Variants in SRCAP observed in about 807,000 individuals in gnomAD.
The protein encoded by SRCAP is Snf2 related CREBBP activator protein, also known as chromatin remodeling protein SRCAP.
SRCAP carries 46 observed loss-of-function variants against 263.1 expected under a neutral mutation model. The ratio of observed to expected loss-of-function variants is 0.17; its 90% CI spans 0.14 to 0.22. The LOEUF is 0.22. Among genes scored for constraint, SRCAP ranks in the 10% least tolerant of loss-of-function variants. The pLI is 1.00. For synonymous variants in SRCAP, 1,813 were observed against 1,662.1 expected (o/e 1.09, Z -2.21); for missense variants, 3,695 against 4,181.9 (o/e 0.88, Z 3.21).
intron 4 of SRCAP, among the ~76,000 whole-genome samples, chr16:30,705,377 A>C (rs887653326): frequency 6.6e-6 from 1 of 152,070 alleles, no homozygotes. Flanking sequence ...CAATGTTTTT[A>C]TTTTTTATTT....
Position 30,740,272 on chromosome 16 carries a change from T to C in SRCAP, c.*539T>C, listed in dbSNP as rs2053211683. The C allele has an allele frequency of 6.6e-6, 1 of 152,502 alleles. No homozygotes were observed. The highest frequency in any genetic ancestry group is 2.4e-5 in the African/African-American group (1 of 41,412). The allele number at this position is 152,502 out of a possible 1,614,324, so 9.4% of individuals were successfully genotyped here. ...GGACTATATGTTCCAGGCAGAAATC[T>C]ACCCAAGAAGAGGGAAGATTGGTGA... On this transcript the variant is annotated 3_prime_UTR_variant, in exon 34 of 34. Transcript: ENST00000262518.
chr16:30,726,085 C>CT (rs2053061878), intron 25 of SRCAP: 1 of 152,186 alleles, frequency 6.6e-6, no homozygotes, highest in Non-Finnish European at 1.5e-5. Context: ...TACCATCCTA[C>CT]TTTTTTATTT....
rs762047146 is a variant in SRCAP, at chr16:30,724,225, T to C, written c.4801T>C (p.Ser1601Pro). The C allele has an allele frequency of 4.3e-6, 7 of 1,613,802 alleles. No individual in the cohort carries two copies. The highest frequency in any genetic ancestry group is 4.0e-5 in the African/African-American group (3 of 74,834). ...TCCACAGACAGCAATTCTGGCTCCT[T>C]CTCCAGCTCCTCCTCTGGCTCCTCT... is the stretch of plus-strand genomic sequence containing the variant. ...AAPQTAILAP[S>P]PAPPLAPLPV... The change falls in exon 25 of 34, where the codon TCT becomes CCT. Residue 1601 changes from serine to proline, a missense_variant. Transcript: ENST00000262518.
In SRCAP at chr16:30,709,647, C is replaced by G; in HGVS notation, c.768C>G (p.Thr256=). 1 of 1,614,182 alleles carries G rather than the reference C, an allele frequency of 6.2e-7. No individual in the cohort carries two copies. The highest frequency in any genetic ancestry group is 8.5e-7 in the Non-Finnish European group (1 of 1,180,040). The part of the protein sequence containing the change: ...LLSQSLNQPL[T]SSKAGSSPCL... ...CTCAGAGCCTCAACCAGCCATTAAC[C>G]TCCAGCAAAGCAGGCTCTTCCCCTT... Residue 256 remains threonine (T), a synonymous_variant, in exon 7 of 34, where the codon ACC becomes ACG. Coordinates refer to ENST00000262518, the MANE Select transcript of SRCAP (RefSeq NM_006662.3).
In SRCAP at chr16:30,738,351, C is replaced by T. The variant is rs777637685; in HGVS notation, c.8311C>T (p.Arg2771Trp). 8.9e-6 allele frequency: 14 copies of T among 1,569,228 alleles called. No homozygotes were observed. Among genetic ancestry groups the T allele is most frequent in the African/African-American group, 2.7e-5 (2 of 73,740 alleles). ...KELVRRRRQQ[R>W]GAASTLVPGV... ...ACTGGTGCGGCGGCGGCGGCAGCAGCGGGGAGCTGCCAGCACCCTAGTGCC... is the reference window on the plus strand; with the variant it reads ...ACTGGTGCGGCGGCGGCGGCAGCAGTGGGGAGCTGCCAGCACCCTAGTGCC... The change falls in exon 34 of 34, where the codon CGG becomes TGG. Residue 2771 changes from arginine (R) to tryptophan (W), a missense_variant. By Grantham distance (101) the Arg-to-Trp change is moderately radical. Around this residue, in one of 12 missense-constraint regions of SRCAP, gnomAD observed 1,207 missense variants for 1,142.9 expected, o/e 1.06. Transcript: ENST00000262518.
intron 32 of SRCAP, 49 bp downstream of exon 32, chr16:30,736,443 T>C: frequency 6.2e-7 from 1 of 1,606,136 alleles, no homozygotes; most frequent in East Asian, 2.2e-5. Flanking sequence ...CCCCTGGGCT[T>C]GTGACCCTCC....
chr16:30,699,566 G>C (rs1024457240), intron 1 of SRCAP, among the ~76,000 whole-genome samples: 2 of 152,050 alleles, frequency 1.3e-5, no homozygotes, highest in East Asian at 3.8e-4. Context: ...TCTCACTTCT[G>C]CGTTCAGCCC....
At chr16:30,721,567 C>A in intron 21 of SRCAP, 91 bp downstream of exon 21, 1 of 1,474,036 alleles carries the variant, frequency 6.8e-7, no homozygotes, top group Non-Finnish European at 9.1e-7. Flanking sequence ...CTGGGTCAGG[C>A]ATGATGGCTC....
rs869052611 is a variant in SRCAP, at chr16:30,726,522, C to CT, written c.5658+1456dup. ...CAGTTTCTCCACATTTGAGCCAATACTTTTTTTTTTTTTTTTGAGAAGGAG... is the reference window on the plus strand; with the variant it reads ...CAGTTTCTCCACATTTGAGCCAATACTTTTTTTTTTTTTTTTTGAGAAGGAG... On this transcript the variant is annotated intron_variant, in intron 25 of 33. Transcript: ENST00000262518. Among the ~76,000 whole-genome samples the CT allele has an allele frequency of 7.5e-3, 1,059 of 141,072 alleles. 7 individuals carry two copies. The highest frequency in any genetic ancestry group is 0.015 in the Admixed American group (207 of 14,000). 92.5% of individuals were successfully genotyped at this position (141,072 alleles called of 152,430 possible).
At chr16:30,701,676 C>G (rs1156961883) in intron 3 of SRCAP, among the ~76,000 whole-genome samples, 1 of 150,038 alleles carries the variant, frequency 6.7e-6, no homozygotes, top group Non-Finnish European at 1.5e-5. Flanking sequence ...TTCAGCCAGG[C>G]TGGAATGCAA....
chr16:30,734,717 T>A, intron 31 of SRCAP, 102 bp downstream of exon 31: 2 of 1,535,384 alleles, frequency 1.3e-6, no homozygotes, highest in South Asian at 2.4e-5. Flanking sequence ...AGATGTTTCT[T>A]CTGCTTCCCA....
intron 1 of SRCAP, 148 bp downstream of exon 1, chr16:30,699,390 G>T (rs577594882): frequency 2.5e-6 from 1 of 393,886 alleles, no homozygotes; most frequent in East Asian, 3.6e-5. Context: ...GTTCTTGGCA[G>T]TGCGGCCTCT....
At position 30,711,956 on chromosome 16, in the gene SRCAP, C is replaced by G. The variant is rs374756213; in HGVS notation, c.1614C>G (p.Ser538Arg). ...SEESEDAQSQ[S>R]QADEEEEDDD... ...AGTCTGAGGATGCCCAATCACAGAGCCAAGCAGATGAAGAGGAGGAAGATG... is the reference window on the plus strand; with the variant it reads ...AGTCTGAGGATGCCCAATCACAGAGGCAAGCAGATGAAGAGGAGGAAGATG... Residue 538 changes from serine to arginine, a missense_variant, in exon 12 of 34, where the codon AGC becomes AGG. By Grantham distance (110) the Ser-to-Arg change is moderately radical. This residue lies in a region of SRCAP where 288 missense variants were observed against 302.4 expected (regional missense o/e 0.95). Transcript: ENST00000262518. The G allele has an allele frequency of 6.2e-6, 10 of 1,613,818 alleles. No homozygotes were observed. The highest frequency in any genetic ancestry group is 8.5e-6 in the Non-Finnish European group (10 of 1,179,978).
chr16:30,736,440 G>A (rs1475775013), intron 32 of SRCAP, 46 bp downstream of exon 32: 1 of 1,605,836 alleles, frequency 6.2e-7, no homozygotes, highest in Admixed American at 1.7e-5. Context: ...CTTCCCCTGG[G>A]CTTGTGACCC....
At chr16:30,712,518 T>C (rs1567243040) in intron 13 of SRCAP, 79 bp downstream of exon 13, 1 of 1,520,190 alleles carries the variant, frequency 6.6e-7, no homozygotes, top group Non-Finnish European at 8.8e-7. Context: ...TCCAGCTTCA[T>C]TGACTTTTGC....
intron 22 of SRCAP, 121 bp downstream of exon 22, chr16:30,722,407 A>G (rs1381402406): frequency 6.6e-7 from 1 of 1,514,878 alleles, no homozygotes; most frequent in Non-Finnish European, 8.9e-7. Context: ...GGTGGGGCCA[A>G]CGGGCATGGT....
At chr16:30,722,849 C>G in intron 23 of SRCAP, 101 bp downstream of exon 23, 4 of 1,545,040 alleles carry the variant, frequency 2.6e-6, no homozygotes, top group Non-Finnish European at 2.6e-6. Context: ...GTTGTTTTCC[C>G]TTGCGAATAT....
intron 5 of SRCAP, 87 bp downstream of exon 5, chr16:30,707,455 T>G (rs1273766799): frequency 6.2e-7 from 1 of 1,602,802 alleles, no homozygotes; most frequent in Non-Finnish European, 8.5e-7. Context: ...CAGAATGGTG[T>G]AGGCATTAAG....
chr16:30,713,068 T>C, intron 14 of SRCAP, 140 bp from the exon 15 acceptor site: 1 of 1,051,938 alleles, frequency 9.5e-7, no homozygotes, highest in South Asian at 1.6e-5. Flanking sequence ...GCCCCTCCTC[T>C]TTCTGTCGCT....
Sources: allele counts gnomAD v4.1 joint callset (sites outside exome capture counted in the v4.1 genomes callset), GRCh38; gene constraint gnomAD v4.1.1; regional missense constraint gnomAD v4.1.1; transcripts MANE v1.5; gene names NCBI Gene and HGNC (gene_info 2026-07-23, HGNC 2026-07-21).